The following EOGT variants were observed in gnomAD, a reference collection of about 807,000 sequenced individuals.
EOGT encodes EGF domain-specific O-linked N-acetylglucosamine transferase.
Under a neutral mutation model 70.5 loss-of-function variants are expected in EOGT, and 55 were observed. That is an observed-to-expected ratio of 0.78 (90% CI 0.63 to 0.98). EOGT has a LOEUF of 0.98. Ranked by LOEUF, EOGT falls within the 50% of genes least tolerant of loss-of-function variation. EOGT has a pLI of 0.00. For missense variants in EOGT, 703 were observed against 641.9 expected (o/e 1.10, Z -1.03); for synonymous variants, 246 against 217.1 (o/e 1.13, Z -1.17).
chr3:68,986,485 T>C (rs1308568369), intron 14 of EOGT, among the ~76,000 whole-genome samples: 4 of 152,216 alleles, frequency 2.6e-5, no homozygotes, highest in African/African-American at 7.2e-5. Context: ...GCCTGACCTC[T>C]TGGATATCGC....
chr3:68,988,492 G>A lies in EOGT; in HGVS notation c.996+14C>T. 1.3e-6 allele frequency: 2 copies of A among 1,517,564 alleles called. No individual in the cohort carries two copies. Among genetic ancestry groups the A allele is most frequent in the South Asian group, 1.2e-5 (1 of 83,540 alleles). The allele number at this position is 1,517,564 out of a possible 1,614,324, so 94.0% of individuals were successfully genotyped here. ...TCTGTAAATATGAATGCTAATGGTAGACAATGTGCTTACCAGAGGAGTATT... is the reference window on the plus strand; with the variant it reads ...TCTGTAAATATGAATGCTAATGGTAAACAATGTGCTTACCAGAGGAGTATT... On this transcript the variant is annotated intron_variant, in intron 12 of 17. Transcript: ENST00000383701.
intron 16 of EOGT, among the ~76,000 whole-genome samples, chr3:68,979,306 T>C (rs1197373285): frequency 3.3e-5 from 5 of 152,230 alleles, no homozygotes; most frequent in Admixed American, 6.5e-5. Flanking sequence ...TTTGAAGCTA[T>C]GTCGTGCATG....
chr3:68,987,040 C>T (rs2090831008), intron 14 of EOGT, among the ~76,000 whole-genome samples: 1 of 152,228 alleles, frequency 6.6e-6, no homozygotes, highest in African/African-American at 2.4e-5. Flanking sequence ...AAGACATGGT[C>T]ATGTAAGAGG....
chr3:68,988,666 T>A, intron 11 of EOGT, 89 bp from the exon 12 acceptor site: 1 of 784,034 alleles, frequency 1.3e-6, no homozygotes, highest in Non-Finnish European at 2.0e-6. Flanking sequence ...AGATTTTAAT[T>A]AATCTCCATT....
chr3:68,977,531 A>C lies in EOGT; in HGVS notation c.*87T>G, dbSNP rs1018857855. ...ATAGAAAAGGTAATTCGGGGATAGGAAATAACAGATTGCTTTACTGATTTA... is the reference window on the plus strand; with the variant it reads ...ATAGAAAAGGTAATTCGGGGATAGGCAATAACAGATTGCTTTACTGATTTA... On this transcript the variant is annotated 3_prime_UTR_variant, in exon 18 of 18. Coordinates refer to ENST00000383701, the MANE Select transcript of EOGT (RefSeq NM_001278689.2). 2.8e-6 allele frequency: 4 copies of C among 1,413,228 alleles called. No homozygotes were observed. Among genetic ancestry groups the C allele is most frequent in the Non-Finnish European group, 4.0e-6 (4 of 1,012,176 alleles). 87.5% of individuals were successfully genotyped at this position (1,413,228 alleles called of 1,614,324 possible). A position where few individuals can be genotyped will look rare whatever the true frequency, so the allele number is the denominator to read the frequency against.
intron 10 of EOGT, among the ~76,000 whole-genome samples, chr3:68,997,611 C>T (rs749203973): frequency 1.3e-5 from 2 of 152,138 alleles, no homozygotes; most frequent in Non-Finnish European, 2.9e-5. Flanking sequence ...TCAAATGATC[C>T]ACCTGCCTCG....
At chr3:69,002,313 G>C (rs2091317521) in intron 8 of EOGT, among the ~76,000 whole-genome samples, 1 of 152,120 alleles carries the variant, frequency 6.6e-6, no homozygotes, top group Admixed American at 6.5e-5. Flanking sequence ...TGTATTTTAA[G>C]CTGCTAAATT....
chr3:68,980,562 C>T (rs1007746714), intron 15 of EOGT, among the ~76,000 whole-genome samples: 9 of 152,174 alleles, frequency 5.9e-5, no homozygotes, highest in Non-Finnish European at 1.3e-4. Context: ...TGAGATCTCC[C>T]AGCCCCAACT....
At chr3:68,997,580 G>GAACTCACTAGTTCA (rs2091185914) in intron 10 of EOGT, among the ~76,000 whole-genome samples, 1 of 152,112 alleles carries the variant, frequency 6.6e-6, no homozygotes, top group Non-Finnish European at 1.5e-5. Context: ...TGTTGGCCAG[G>GAACTCACTAGTTCA]CTAGTCTCGA....
At chr3:68,980,200 G>T (rs148559829) in intron 15 of EOGT, among the ~76,000 whole-genome samples, 3 of 152,134 alleles carry the variant, frequency 2.0e-5, no homozygotes, top group Non-Finnish European at 4.4e-5. Context: ...AGAGAAATTG[G>T]CAAGTGTTAA....
In EOGT at chr3:69,012,550, A is replaced by C. The variant is rs899843810; in HGVS notation, c.-106T>G. Reference sequence around the variant, plus strand: ...AGAAGTAACGCTTAGGCGATGGAAAAAATCTAAAGACGCAGATCAGAAAGC... The same window carrying C: ...AGAAGTAACGCTTAGGCGATGGAAACAATCTAAAGACGCAGATCAGAAAGC... On this transcript the variant is annotated 5_prime_UTR_variant, in exon 2 of 18. Transcript: ENST00000383701. 2.0e-4 allele frequency: 30 copies of C among 152,414 alleles called. No homozygotes were observed. The highest frequency in any genetic ancestry group is 6.8e-4 in the African/African-American group (28 of 41,462). 9.4% of individuals were successfully genotyped at this position (152,414 alleles called of 1,614,324 possible).
intron 10 of EOGT, among the ~76,000 whole-genome samples, chr3:68,995,889 G>A (rs990224096): frequency 5.3e-5 from 8 of 152,126 alleles, no homozygotes; most frequent in South Asian, 2.1e-4. Flanking sequence ...CTCAGGCCTC[G>A]GCCTCTTGTC....
chr3:68,989,093 C>T (rs1034513633), intron 10 of EOGT, 76 bp from the exon 11 acceptor site: 16 of 761,258 alleles, frequency 2.1e-5, no homozygotes, highest in Non-Finnish European at 3.1e-5. Context: ...CAACAAAATA[C>T]CTGAATTTGC....
Position 68,982,855 on chromosome 3 carries a change from T to C in EOGT, c.1170A>G (p.Lys390=), listed in dbSNP as rs114914860. The change falls in exon 15 of 18, where the codon AAA becomes AAG. Residue 390 remains lysine, a synonymous_variant. Transcript: ENST00000383701. ...TCTGGACTTCAAATGTAGATACTGTTTTCAGTGCATTTACAAGCTGGGAAA... is the reference window on the plus strand; with the variant it reads ...TCTGGACTTCAAATGTAGATACTGTCTTCAGTGCATTTACAAGCTGGGAAA... The part of the protein sequence containing the change: ...LNQNELVNAL[K]TVSTFEVQIV... 3,744 of 1,602,998 alleles carry C rather than the reference T, an allele frequency of 2.3e-3. 74 individuals are homozygous for C. The African/African-American group carries it at 0.045, about 19-fold the overall frequency.
chr3:68,990,136 T>C (rs991951806), intron 10 of EOGT, among the ~76,000 whole-genome samples: 1 of 152,092 alleles, frequency 6.6e-6, no homozygotes, highest in African/African-American at 2.4e-5. Flanking sequence ...ATATTATTAA[T>C]GTACATTAAG....
At chr3:69,011,595 CAAA>C (rs34778421) in intron 3 of EOGT, among the ~76,000 whole-genome samples, 2 of 127,634 alleles carry the variant, frequency 1.6e-5, no homozygotes, top group Non-Finnish European at 3.2e-5. Flanking sequence ...GACTCTGTCT[CAAA>C]AAAAAAAAAA....
intron 6 of EOGT, among the ~76,000 whole-genome samples, chr3:69,007,199 G>T (rs569676893): frequency 5.0e-4 from 76 of 152,174 alleles, no homozygotes; most frequent in African/African-American, 1.8e-3. Context: ...AGGAGGACAG[G>T]GTTTCCAAAG....
chr3:69,008,487 T>C lies in EOGT; in HGVS notation c.252A>G (p.Lys84=), dbSNP rs150080769. 104 of 1,614,138 alleles carry C rather than the reference T, an allele frequency of 6.4e-5. 1 individual carries two copies. The African/African-American group carries it at 1.3e-3, about 20-fold the overall frequency. Residue 84 remains lysine, a synonymous_variant, in exon 5 of 18, where the codon AAA becomes AAG. Coordinates refer to ENST00000383701, the MANE Select transcript of EOGT (RefSeq NM_001278689.2). Reference sequence around the variant, plus strand: ...CAAACCTGAACTCTGGTTTGCAGGATTTCTCATAACCCCAGCAGTACTTTA... The same window carrying C: ...CAAACCTGAACTCTGGTTTGCAGGACTTCTCATAACCCCAGCAGTACTTTA... ...EKLKYCWGYE[K]SCKPEFRFGY...
intron 4 of EOGT, 93 bp downstream of exon 4, chr3:69,009,544 A>C (rs1220993078): frequency 1.1e-6 from 1 of 936,600 alleles, no homozygotes; most frequent in East Asian, 2.5e-5. Context: ...GAAAATTAGA[A>C]TTCTGCCTTC....
Sources: allele counts gnomAD v4.1 joint callset (sites outside exome capture counted in the v4.1 genomes callset), GRCh38; gene constraint gnomAD v4.1.1; transcripts MANE v1.5; gene names NCBI Gene and HGNC (gene_info 2026-07-23, HGNC 2026-07-21).